The following MRPL49 variants were observed in gnomAD, a reference collection of about 807,000 sequenced individuals.
The protein encoded by MRPL49 is mitochondrial ribosomal protein L49.
A neutral mutation model predicts 18.4 loss-of-function variants in MRPL49; 14 were observed. The ratio of observed to expected loss-of-function variants is 0.76; its 90% CI spans 0.50 to 1.19. The LOEUF (loss-of-function observed/expected upper bound fraction) is 1.19. Among genes scored for constraint, MRPL49 ranks in the 50% most tolerant of loss-of-function variants. MRPL49 has a pLI of 0.00. For synonymous variants in MRPL49, 104 were observed against 86.2 expected (o/e 1.21, Z -1.14); for missense variants, 190 against 217.8 (o/e 0.87, Z 0.80).
At chr11:65,124,699 C>A in intron 2 of MRPL49, 47 bp downstream of exon 2, 2 of 1,597,776 alleles carry the variant, frequency 1.3e-6, no homozygotes, top group Non-Finnish European at 1.7e-6. Context: ...CGGAGCATCA[C>A]CTCCTCCCCA....
In MRPL49 at chr11:65,126,890, G is replaced by T; in HGVS notation, c.*1018G>T. 1.7e-6 allele frequency: 1 copy of T among 603,708 alleles called. No homozygotes were observed. The highest frequency in any genetic ancestry group is 3.0e-6 in the Non-Finnish European group (1 of 335,160). 37.4% of individuals were successfully genotyped at this position (603,708 alleles called of 1,614,324 possible). A position where few individuals can be genotyped will look rare whatever the true frequency, so the allele number is the denominator to read the frequency against. On this transcript the variant is annotated 3_prime_UTR_variant, in exon 4 of 4. Transcript: ENST00000279242. ...TGACCTGCAATCAAGGCTGGGGAGG[G>T]GTTTGCAGGCAGGAATATGCTGACC... is the stretch of plus-strand genomic sequence containing the variant.
chr11:65,125,449 TA>T, intron 2 of MRPL49, 38 bp from the exon 3 acceptor site: 3 of 1,611,744 alleles, frequency 1.9e-6, no homozygotes, highest in Non-Finnish European at 2.5e-6. Flanking sequence ...GGATGGCACG[TA>T]GGAAGAGTTG....
At position 65,126,852 on chromosome 11, in the gene MRPL49, C is replaced by T. The variant is rs1484860498; in HGVS notation, c.*980C>T. ...ACTCACAGCCAGCATAGGGACATCC[C>T]CCTGCAGCCTTCTGACCTGCAATCA... is the stretch of plus-strand genomic sequence containing the variant. On this transcript the variant is annotated 3_prime_UTR_variant, in exon 4 of 4. Coordinates refer to ENST00000279242, the MANE Select transcript of MRPL49 (RefSeq NM_004927.4). 1 of 581,904 alleles carries T rather than the reference C, an allele frequency of 1.7e-6. No homozygotes were observed. The highest frequency in any genetic ancestry group is 3.1e-6 in the Non-Finnish European group (1 of 327,536). The allele number at this position is 581,904 out of a possible 1,614,324, so 36.0% of individuals were successfully genotyped here.
Position 65,126,887 on chromosome 11 carries a change from AG to A in MRPL49, c.*1019del. The stretch of plus-strand genomic sequence containing the variant: ...TTCTGACCTGCAATCAAGGCTGGGG[AG>A]GGGTTTGCAGGCAGGAATATGCTGA... On this transcript the variant is annotated 3_prime_UTR_variant, in exon 4 of 4. Transcript: ENST00000279242. The A allele has an allele frequency of 1.7e-6, 1 of 596,722 alleles. No individual in the cohort carries two copies. The highest frequency in any genetic ancestry group is 3.0e-6 in the Non-Finnish European group (1 of 332,508). 37.0% of individuals were successfully genotyped at this position (596,722 alleles called of 1,614,324 possible). A position where few individuals can be genotyped will look rare whatever the true frequency, so the allele number is the denominator to read the frequency against.
Position 65,126,961 on chromosome 11 carries a change from A to G in MRPL49, c.*1089A>G. 1 of 673,942 alleles carries G rather than the reference A, an allele frequency of 1.5e-6. No individual in the cohort carries two copies. The highest frequency in any genetic ancestry group is 2.7e-6 in the Non-Finnish European group (1 of 369,786). 41.7% of individuals were successfully genotyped at this position (673,942 alleles called of 1,614,324 possible). Reference sequence around the variant, plus strand: ...CCAACCCCAGCTCACTAGCCTTCATATATGCCTTATACTTGGAGTCACAGG... The same window carrying G: ...CCAACCCCAGCTCACTAGCCTTCATGTATGCCTTATACTTGGAGTCACAGG... On this transcript the variant is annotated 3_prime_UTR_variant, in exon 4 of 4. Coordinates refer to ENST00000279242, the MANE Select transcript of MRPL49 (RefSeq NM_004927.4).
chr11:65,122,311 A>G (rs186653570), upstream of MRPL49: 3 of 1,602,716 alleles, frequency 1.9e-6, no homozygotes, highest in Middle Eastern at 4.1e-4. Context: ...GGGACCAGAC[A>G]GTTGCGCGCA....
At chr11:65,123,912 T>G (rs1434798866) in intron 1 of MRPL49, among the ~76,000 whole-genome samples, 1 of 151,756 alleles carries the variant, frequency 6.6e-6, no homozygotes, top group Non-Finnish European at 1.5e-5. Flanking sequence ...TTTGAGAGAG[T>G]CTCGTCGCTC....
intron 1 of MRPL49, 141 bp from the exon 2 acceptor site, chr11:65,124,361 C>G (rs1565336362): frequency 3.6e-6 from 3 of 834,730 alleles, no homozygotes; most frequent in Admixed American, 5.5e-5. Context: ...CATTTTGATT[C>G]TGATAGCTTT....
chr11:65,123,667 G>T (rs984363043), intron 1 of MRPL49, among the ~76,000 whole-genome samples: 3 of 151,796 alleles, frequency 2.0e-5, no homozygotes, highest in Admixed American at 1.3e-4. Context: ...TTGGGAGGCG[G>T]AGGTTGCAGT....
rs1948084278 is a variant in MRPL49, at chr11:65,124,732, C to CTCTGGACTCTCCAGTGGGT, written c.229+83_229+101dup. The stretch of plus-strand genomic sequence containing the variant: ...CCAGAGGTTGGCCTCCCCCATGAGG[C>CTCTGGACTCTCCAGTGGGT]TCTGGACTCTCCAGTGGGTTCAGGA... On this transcript the variant is annotated intron_variant, in intron 2 of 3. Coordinates refer to ENST00000279242, the MANE Select transcript of MRPL49 (RefSeq NM_004927.4). The CTCTGGACTCTCCAGTGGGT allele has an allele frequency of 1.3e-5, 20 of 1,498,812 alleles. No homozygotes were observed. The South Asian group carries it at 2.4e-4, about 18-fold the overall frequency. 92.8% of individuals were successfully genotyped at this position (1,498,812 alleles called of 1,614,324 possible).
At chr11:65,123,697 G>A (rs1422419485) in intron 1 of MRPL49, among the ~76,000 whole-genome samples, 2 of 152,054 alleles carry the variant, frequency 1.3e-5, no homozygotes, top group Non-Finnish European at 2.9e-5. Flanking sequence ...TCACACCACT[G>A]CACTCCAGCC....
Position 65,122,363 on chromosome 11 carries a change from T to A in MRPL49, c.17T>A (p.Phe6Tyr), listed in dbSNP as rs746766358. Reference protein sequence around the residue: MAATMFRATLRGWRTG... With the variant: MAATMYRATLRGWRTG... ...CAGGTAAAGATGGCAGCTACCATGT[T>A]CCGGGCTACGCTGCGGGGATGGAGA... is the stretch of plus-strand genomic sequence containing the variant. The change falls in exon 1 of 4, where the codon TTC (phenylalanine) becomes TAC (tyrosine). Residue 6 changes from phenylalanine (F) to tyrosine (Y), a missense_variant. Physicochemically the swap from Phe to Tyr is conservative, Grantham distance 22 (BLOSUM62 3). Transcript: ENST00000279242. 6.2e-7 allele frequency: 1 copy of A among 1,613,110 alleles called. No homozygotes were observed. Among genetic ancestry groups the A allele is most frequent in the Non-Finnish European group, 8.5e-7 (1 of 1,179,678 alleles).
In MRPL49 at chr11:65,124,602, C is replaced by A. The variant is rs760285297; in HGVS notation, c.179C>A (p.Pro60His). Residue 60 changes from proline to histidine, a missense_variant, in exon 2 of 4, where the codon CCC (proline) becomes CAC (histidine). Physicochemically the swap from Pro to His is moderately conservative, Grantham distance 77. Coordinates refer to ENST00000279242, the MANE Select transcript of MRPL49 (RefSeq NM_004927.4). ...TTACCGGCTACCAGGATCCCAGATC[C>A]CCCAAAGCATGAACATTATCCTACC... The part of the protein sequence containing the change: ...RLLPATRIPD[P>H]PKHEHYPTPS... 6.2e-6 allele frequency: 10 copies of A among 1,614,030 alleles called. No individual in the cohort carries two copies. Among genetic ancestry groups the A allele is most frequent in the Non-Finnish European group, 6.8e-6 (8 of 1,180,040 alleles).
chr11:65,125,195 G>T, intron 2 of MRPL49: 1 of 437,420 alleles, frequency 2.3e-6, no homozygotes, highest in Non-Finnish European at 4.1e-6. Context: ...GTGGAGGAGG[G>T]CAAGGGTTGG....
intron 2 of MRPL49, chr11:65,124,881 G>A (rs1948085630): frequency 2.2e-6 from 1 of 452,668 alleles, no homozygotes; most frequent in Admixed American, 3.9e-5. Context: ...TTCCCCATAT[G>A]GGGGAAAGTA....
In MRPL49 at chr11:65,125,931, AG is replaced by A. The variant is rs1255329318; in HGVS notation, c.*61del. ...CTGTGGATCAAGTCTAGGGGGCCTC[AG>A]GAGGAGGGAGGTGGGTGTTGGAGCC... is the stretch of plus-strand genomic sequence containing the variant. On this transcript the variant is annotated 3_prime_UTR_variant, in exon 4 of 4. Coordinates refer to ENST00000279242, the MANE Select transcript of MRPL49 (RefSeq NM_004927.4). 2.7e-5 allele frequency: 42 copies of A among 1,534,320 alleles called. No individual in the cohort carries two copies. Among genetic ancestry groups the A allele is most frequent in the Non-Finnish European group, 3.3e-5 (38 of 1,139,724 alleles).
chr11:65,126,485 AGTT>A lies in MRPL49; in HGVS notation c.*617_*619del, dbSNP rs1160288972. On this transcript the variant is annotated 3_prime_UTR_variant, in exon 4 of 4. Transcript: ENST00000279242. ...CCTTGGGCTCAGCAATTCAAATTCTAGTTGTTATTTGGTGGAAGCAGTAGCCCA... is the reference window on the plus strand; with the variant it reads ...CCTTGGGCTCAGCAATTCAAATTCTAGTTATTTGGTGGAAGCAGTAGCCCA... The A allele has an allele frequency of 1.3e-5, 2 of 154,448 alleles. No homozygotes were observed. The highest frequency in any genetic ancestry group is 1.4e-5 in the Non-Finnish European group (1 of 69,618). The allele number at this position is 154,448 out of a possible 1,614,324, so 9.6% of individuals were successfully genotyped here.
At chr11:65,124,129 C>G (rs1167330473) in intron 1 of MRPL49, among the ~76,000 whole-genome samples, 1 of 152,152 alleles carries the variant, frequency 6.6e-6, no homozygotes, top group Non-Finnish European at 1.5e-5. Flanking sequence ...CTTAGATGAT[C>G]CTCCTGCCTC....
At chr11:65,122,186 G>A (rs1948056620), upstream of MRPL49, 2 of 688,366 alleles carry the variant, frequency 2.9e-6, no homozygotes, top group Non-Finnish European at 4.9e-6. Context: ...TCACGTCACT[G>A]CTGAGCGACC....
Sources: gnomAD v4.1 joint callset for allele counts (sites outside exome capture counted in the v4.1 genomes callset) on GRCh38, gnomAD v4.1.1 for gene constraint, MANE v1.5 for transcripts, NCBI Gene and HGNC (gene_info 2026-07-23, HGNC 2026-07-21) for gene names.